ZBTB26: variants seen among roughly 807,000 people sequenced by gnomAD.
ZBTB26 encodes zinc finger and BTB domain-containing protein 26.
ZBTB26 carries 12 observed loss-of-function variants against 31.6 expected under a neutral mutation model. The observed-to-expected ratio is 0.38, with a 90% CI of 0.24 to 0.61. The LOEUF (loss-of-function observed/expected upper bound fraction) is 0.61. Ranked by LOEUF, ZBTB26 falls within the 20% of genes least tolerant of loss-of-function variation. The pLI, the probability that ZBTB26 is intolerant of heterozygous loss-of-function variation, is 0.60. For synonymous variants in ZBTB26, 155 were observed against 182.9 expected (o/e 0.85, Z 1.23); for missense variants, 311 against 521.9 (o/e 0.60, Z 3.94).
chr9:122,921,792 G>T (rs754708772), intron 1 of ZBTB26, among the ~76,000 whole-genome samples: 2 of 152,174 alleles, frequency 1.3e-5, no homozygotes, highest in Non-Finnish European at 2.9e-5. Context: ...TTAGCTGGGC[G>T]TAGTGGCACA....
chr9:122,926,452 A>G lies in ZBTB26; in HGVS notation c.-11+4985T>C, dbSNP rs576550116. The stretch of plus-strand genomic sequence containing the variant: ...AACCCGGGAGGTGGAGCTTGCAGTG[A>G]GCTGAGATTGTGCCACTGCACTCCA... On this transcript the variant is annotated intron_variant, in intron 1 of 1. Transcript: ENST00000373656. Among the ~76,000 whole-genome samples, 23 of 150,096 alleles carry G rather than the reference A, an allele frequency of 1.5e-4. 1 individual carries two copies. Among genetic ancestry groups the G allele is most frequent in the Middle Eastern group, 6.8e-3 (2 of 292 alleles).
chr9:122,930,014 TC>T (rs1004514675), intron 1 of ZBTB26, among the ~76,000 whole-genome samples: 13 of 151,162 alleles, frequency 8.6e-5, no homozygotes, highest in Non-Finnish European at 1.8e-4. Context: ...AGCATTACCC[TC>T]CCCCCCCAAA....
In ZBTB26 at chr9:122,916,766, A is replaced by G. The variant is rs2131533150; in HGVS notation, c.*1843T>C. The G allele has an allele frequency of 6.6e-6, 1 of 152,336 alleles. No individual in the cohort carries two copies. The highest frequency in any genetic ancestry group is 1.9e-4 in the East Asian group (1 of 5,192). The allele number at this position is 152,336 out of a possible 1,614,324, so 9.4% of individuals were successfully genotyped here. ...TATTATCATTTTAAATATTTGAACA[A>G]AAGACAAAAATCATACTTCACATCT... On this transcript the variant is annotated 3_prime_UTR_variant, in exon 2 of 2. Coordinates refer to ENST00000373656, the MANE Select transcript of ZBTB26 (RefSeq NM_020924.4).
At chr9:122,922,376 G>C (rs1412554851) in intron 1 of ZBTB26, among the ~76,000 whole-genome samples, 1 of 152,194 alleles carries the variant, frequency 6.6e-6, no homozygotes, top group African/African-American at 2.4e-5. Context: ...TACTTCTACT[G>C]TAACACTCAA....
At chr9:122,921,583 A>C (rs1833100412) in intron 1 of ZBTB26, among the ~76,000 whole-genome samples, 1 of 152,232 alleles carries the variant, frequency 6.6e-6, no homozygotes, top group Admixed American at 6.5e-5. Flanking sequence ...TGCCTGATAC[A>C]TAACAGCTCT....
chr9:122,918,550 A>G lies in ZBTB26; in HGVS notation c.*59T>C. 6.4e-7 allele frequency: 1 copy of G among 1,551,260 alleles called. No homozygotes were observed. ...TCAAACTAGCAAAATCACTCCTAAA[A>G]AGACTAAGACTATTGCCACATTGTC... On this transcript the variant is annotated 3_prime_UTR_variant, in exon 2 of 2. Coordinates refer to ENST00000373656, the MANE Select transcript of ZBTB26 (RefSeq NM_020924.4).
chr9:122,916,867 C>T lies in ZBTB26; in HGVS notation c.*1742G>A, dbSNP rs1564333479. ...ATCAAATATAACAATTGAAGATCCCCTCTGACTATGCAAGCCTAATTTTTC... is the reference window on the plus strand; with the variant it reads ...ATCAAATATAACAATTGAAGATCCCTTCTGACTATGCAAGCCTAATTTTTC... On this transcript the variant is annotated 3_prime_UTR_variant, in exon 2 of 2. Coordinates refer to ENST00000373656, the MANE Select transcript of ZBTB26 (RefSeq NM_020924.4). 2 of 152,158 alleles carry T rather than the reference C, an allele frequency of 1.3e-5. No homozygotes were observed. The highest frequency in any genetic ancestry group is 2.9e-5 in the Non-Finnish European group (2 of 68,034). 9.4% of individuals were successfully genotyped at this position (152,158 alleles called of 1,614,324 possible). A position where few individuals can be genotyped will look rare whatever the true frequency, so the allele number is the denominator to read the frequency against.
At chr9:122,920,849 T>A (rs76473691) in intron 1 of ZBTB26, among the ~76,000 whole-genome samples, 6,383 of 152,322 alleles carry the variant, frequency 0.042, 185 homozygotes, top group Admixed American at 0.075. Flanking sequence ...CAATCATTAG[T>A]CATTATGTGG....
At chr9:122,922,732 G>A (rs1833118750) in intron 1 of ZBTB26, among the ~76,000 whole-genome samples, 5 of 152,216 alleles carry the variant, frequency 3.3e-5, no homozygotes, top group Admixed American at 3.3e-4. Flanking sequence ...TTGCAGGTCT[G>A]AGGCCATGAT....
chr9:122,918,914 AG>A lies in ZBTB26; in HGVS notation c.1020del (p.Leu341TyrfsTer29), dbSNP rs1225072495. ...CTGTGAAGGTTAAGATGATCCTGTA[AG>A]GAACACTTCTGAGAAAAGGTTTTCC... ...ICGKTFSQKC[S>X]LQDHLNLHSG... On this transcript the variant is annotated frameshift_variant, in exon 2 of 2. Coordinates refer to ENST00000373656, the MANE Select transcript of ZBTB26 (RefSeq NM_020924.4). LOFTEE classifies it high-confidence loss of function. The A allele has an allele frequency of 6.2e-7, 1 of 1,614,102 alleles. No homozygotes were observed. Among genetic ancestry groups the A allele is most frequent in the East Asian group, 2.2e-5 (1 of 44,898 alleles).
intron 1 of ZBTB26, among the ~76,000 whole-genome samples, chr9:122,920,257 C>G (rs1408571841): frequency 6.6e-6 from 1 of 152,192 alleles, no homozygotes; most frequent in Non-Finnish European, 1.5e-5. Context: ...CTTTTAACTT[C>G]TCAAATGAGA....
At chr9:122,930,365 T>A (rs909520262) in intron 1 of ZBTB26, among the ~76,000 whole-genome samples, 1 of 152,220 alleles carries the variant, frequency 6.6e-6, no homozygotes, top group South Asian at 2.1e-4. Context: ...CATAATCATC[T>A]CCAGTATATT....
chr9:122,925,795 A>T (rs1464539415), intron 1 of ZBTB26, among the ~76,000 whole-genome samples: 1 of 118,630 alleles, frequency 8.4e-6, no homozygotes, highest in African/African-American at 3.3e-5. Flanking sequence ...TTGGAGACAG[A>T]GTTTCACTCT....
chr9:122,928,768 T>A (rs917628415), intron 1 of ZBTB26, among the ~76,000 whole-genome samples: 1 of 152,236 alleles, frequency 6.6e-6, no homozygotes, highest in Non-Finnish European at 1.5e-5. Context: ...TGTTCTAGGC[T>A]ATTTCCCTAT....
At chr9:122,923,995 C>T (rs1833140120) in intron 1 of ZBTB26, among the ~76,000 whole-genome samples, 1 of 152,202 alleles carries the variant, frequency 6.6e-6, no homozygotes, top group Non-Finnish European at 1.5e-5. Flanking sequence ...CAAGGAGCAA[C>T]AGGCTGTGTC....
In ZBTB26 at chr9:122,918,272, A is replaced by G; in HGVS notation, c.*337T>C. The G allele has an allele frequency of 4.3e-6, 1 of 234,138 alleles. No homozygotes were observed. The highest frequency in any genetic ancestry group is 5.1e-5 in the Admixed American group (1 of 19,578). The allele number at this position is 234,138 out of a possible 1,614,324, so 14.5% of individuals were successfully genotyped here. A position where few individuals can be genotyped will look rare whatever the true frequency, so the allele number is the denominator to read the frequency against. ...CTATTAGTGGAGAGTAGGTGACGTTATTAACTTGTTGGTACCTTCGGAATG... is the reference window on the plus strand; with the variant it reads ...CTATTAGTGGAGAGTAGGTGACGTTGTTAACTTGTTGGTACCTTCGGAATG... On this transcript the variant is annotated 3_prime_UTR_variant, in exon 2 of 2. Coordinates refer to ENST00000373656, the MANE Select transcript of ZBTB26 (RefSeq NM_020924.4).
chr9:122,920,022 C>T, intron 1 of ZBTB26, 78 bp from the exon 2 acceptor site: 4 of 1,449,810 alleles, frequency 2.8e-6, no homozygotes. Flanking sequence ...CTTCCAAAAA[C>T]AAATCTGTGT....
intron 1 of ZBTB26, among the ~76,000 whole-genome samples, chr9:122,930,832 T>C (rs901906738): frequency 2.6e-5 from 4 of 152,230 alleles, no homozygotes; most frequent in Admixed American, 2.6e-4. Flanking sequence ...TCTAAAGCCT[T>C]CTCAGCAACG....
chr9:122,921,576 C>T (rs1054767086), intron 1 of ZBTB26, among the ~76,000 whole-genome samples: 5 of 152,192 alleles, frequency 3.3e-5, no homozygotes, highest in African/African-American at 9.6e-5. Context: ...TCCTTAATGC[C>T]TGATACATAA....
Sources: gnomAD v4.1 joint callset for allele counts (sites outside exome capture counted in the v4.1 genomes callset) on GRCh38, gnomAD v4.1.1 for gene constraint, MANE v1.5 for transcripts, NCBI Gene and HGNC (gene_info 2026-07-23, HGNC 2026-07-21) for gene names.